PARD3B: variants seen among roughly 807,000 people sequenced by gnomAD.
PARD3B encodes par-3 family cell polarity regulator beta.
In PARD3B, 103 loss-of-function variants were observed where a neutral mutation model predicts 130.2. That is an observed-to-expected ratio of 0.79 (90% CI 0.67 to 0.93). The LOEUF is 0.93. Ranked by LOEUF, PARD3B falls within the 40% of genes least tolerant of loss-of-function variation. The pLI, the probability that PARD3B is intolerant of heterozygous loss-of-function variation, is 0.00. For synonymous variants in PARD3B, 583 were observed against 553.2 expected (o/e 1.05, Z -0.76); for missense variants, 1,609 against 1,499.2 (o/e 1.07, Z -1.21).
chr2:205,486,518 C>T (rs536183586), intron 20 of PARD3B, among the ~76,000 whole-genome samples: 7 of 152,256 alleles, frequency 4.6e-5, no homozygotes, highest in East Asian at 3.9e-4. Flanking sequence ...AGTTGGCTCA[C>T]GGTTCCACGG....
At chr2:204,672,906 T>G (rs2036372732) in intron 1 of PARD3B, among the ~76,000 whole-genome samples, 1 of 152,240 alleles carries the variant, frequency 6.6e-6, no homozygotes, top group African/African-American at 2.4e-5. Flanking sequence ...ATGCTGGGAT[T>G]ACAGTGGCAT....
At position 205,352,683 on chromosome 2, in the gene PARD3B, G is replaced by A. The variant is rs531424773; in HGVS notation, c.2631-48330G>A. ...TGGAGATAAACAGGTAGTATCAGGC[G>A]TCCATAGCCTTGCGTTTTACTCACC... On this transcript the variant is annotated intron_variant, in intron 18 of 22. Transcript: ENST00000406610. This position sits in a 1 kb window ranked among gnomAD's most constrained non-coding sequence, Gnocchi z 5.2. Among the ~76,000 whole-genome samples the A allele has an allele frequency of 2.7e-4, 41 of 152,172 alleles. No homozygotes were observed. Among genetic ancestry groups the A allele is most frequent in the African/African-American group, 9.2e-4 (38 of 41,526 alleles).
rs887374500 is a variant in PARD3B at position 205,291,053 on chromosome 2, A to C, written c.2186-9477A>C. Reference sequence around the variant, plus strand: ...AGCTGCCCAAATGGACTAAGACAAAAATTGGTACCAAGAAGTAAAATGACA... The same window carrying C: ...AGCTGCCCAAATGGACTAAGACAAACATTGGTACCAAGAAGTAAAATGACA... On this transcript the variant is annotated intron_variant, in intron 16 of 22. Coordinates refer to ENST00000406610, the MANE Select transcript of PARD3B (RefSeq NM_001302769.2). This position sits in a 1 kb window ranked among gnomAD's most constrained non-coding sequence, Gnocchi z 4.6. Among the ~76,000 whole-genome samples, 2 of 152,174 alleles carry C rather than the reference A, an allele frequency of 1.3e-5. No individual in the cohort carries two copies. The highest frequency in any genetic ancestry group is 4.8e-5 in the African/African-American group (2 of 41,424).
intron 2 of PARD3B, among the ~76,000 whole-genome samples, chr2:204,726,770 C>T (rs1451763055): frequency 2.6e-5 from 4 of 152,130 alleles, no homozygotes; most frequent in African/African-American, 9.7e-5. Context: ...GGAAACTTTT[C>T]TTTTTAACTT....
chr2:205,235,095 TC>T (rs2039004828), intron 15 of PARD3B, among the ~76,000 whole-genome samples: 2 of 152,038 alleles, frequency 1.3e-5, no homozygotes, highest in African/African-American at 2.4e-5. Flanking sequence ...AAGAAAGATT[TC>T]AAATAAATGA....
intron 1 of PARD3B, among the ~76,000 whole-genome samples, chr2:204,596,964 A>G (rs778667156): frequency 6.6e-6 from 1 of 151,000 alleles, no homozygotes; most frequent in African/African-American, 2.4e-5. Context: ...CTCTCTCTCT[A>G]TATATATATT....
intron 18 of PARD3B, among the ~76,000 whole-genome samples, chr2:205,312,806 G>T (rs563127814): frequency 2.0e-4 from 30 of 152,250 alleles, no homozygotes; most frequent in Admixed American, 1.2e-3. Flanking sequence ...AAAGAGCAAT[G>T]ACCCTTTTTT....
intron 11 of PARD3B, among the ~76,000 whole-genome samples, chr2:205,162,749 C>G (rs1218772522): frequency 6.6e-6 from 1 of 152,160 alleles, no homozygotes; most frequent in African/African-American, 2.4e-5. Flanking sequence ...AGAAAAAATA[C>G]CTTTCCCTAA....
intron 4 of PARD3B, 147 bp downstream of exon 4, chr2:205,047,837 A>G: frequency 1.8e-6 from 1 of 561,408 alleles, no homozygotes; most frequent in Non-Finnish European, 3.1e-6. Context: ...AATAGCTAGT[A>G]TGGGCTATTA....
At chr2:204,808,066 T>A (rs1383634821) in intron 2 of PARD3B, among the ~76,000 whole-genome samples, 1 of 152,012 alleles carries the variant, frequency 6.6e-6, no homozygotes, top group Non-Finnish European at 1.5e-5. Context: ...TCAAAGTAGC[T>A]CATGTACCCT....
intron 20 of PARD3B, among the ~76,000 whole-genome samples, chr2:205,476,987 A>G (rs1215993965): frequency 6.6e-6 from 1 of 152,192 alleles, no homozygotes; most frequent in Non-Finnish European, 1.5e-5. Flanking sequence ...TTTTACATCT[A>G]TTTATATTTG....
rs1367164551 is a variant in PARD3B, at chr2:205,460,769, G to A, written c.3044+20097G>A. ...TGGCAAACCTGAAGCACAGTGACTG[G>A]TTCTTCCTATTGTGTGATCAGCAAG... is the stretch of plus-strand genomic sequence containing the variant. On this transcript the variant is annotated intron_variant, in intron 20 of 22. Coordinates refer to ENST00000406610, the MANE Select transcript of PARD3B (RefSeq NM_001302769.2). This position sits in a 1 kb window ranked among gnomAD's most constrained non-coding sequence, Gnocchi z 4.9. Among the ~76,000 whole-genome samples, 1 of 152,092 alleles carries A rather than the reference G, an allele frequency of 6.6e-6. No individual in the cohort carries two copies.
intron 1 of PARD3B, among the ~76,000 whole-genome samples, chr2:204,611,787 C>T (rs1002425052): frequency 6.6e-6 from 1 of 152,124 alleles, no homozygotes; most frequent in South Asian, 2.1e-4. Context: ...TTGCGTACAT[C>T]CCATATCTAA....
At chr2:205,109,961 A>G (rs1185648713) in intron 5 of PARD3B, among the ~76,000 whole-genome samples, 2 of 152,012 alleles carry the variant, frequency 1.3e-5, no homozygotes, top group African/African-American at 4.8e-5. Context: ...GCCAGGAATT[A>G]CCTAATCTTA....
At chr2:204,925,205 T>A (rs1687505455) in intron 2 of PARD3B, among the ~76,000 whole-genome samples, 1 of 152,082 alleles carries the variant, frequency 6.6e-6, no homozygotes, top group Non-Finnish European at 1.5e-5. Flanking sequence ...GAAATAAGCA[T>A]GGAAAAGTGT....
In PARD3B at chr2:205,158,646, T is replaced by G; in HGVS notation, c.1435-76T>G. 7.2e-7 allele frequency: 1 copy of G among 1,392,782 alleles called. No homozygotes were observed. The highest frequency in any genetic ancestry group is 9.9e-7 in the Non-Finnish European group (1 of 1,010,110). The allele number at this position is 1,392,782 out of a possible 1,614,324, so 86.3% of individuals were successfully genotyped here. Reference sequence around the variant, plus strand: ...CATCCTGTCCTACTGATTGCATCTGTGTCTGGTCATCTGAGAGAGTGAAAT... The same window carrying G: ...CATCCTGTCCTACTGATTGCATCTGGGTCTGGTCATCTGAGAGAGTGAAAT... On this transcript the variant is annotated intron_variant, in intron 10 of 22. Transcript: ENST00000406610. This position sits in a 1 kb window ranked among gnomAD's most constrained non-coding sequence, Gnocchi z 5.4.
chr2:205,489,398 G>A (rs573211556), intron 20 of PARD3B, among the ~76,000 whole-genome samples: 2 of 151,598 alleles, frequency 1.3e-5, no homozygotes, highest in South Asian at 2.1e-4. Flanking sequence ...GATAGCTTGA[G>A]CTCAGGAGTT....
chr2:205,434,740 G>A (rs763947013), intron 19 of PARD3B, among the ~76,000 whole-genome samples: 44 of 152,094 alleles, frequency 2.9e-4, no homozygotes, highest in Non-Finnish European at 5.4e-4. Context: ...ATAATTTGAA[G>A]AAAATTGTCA....
chr2:205,526,614 A>T (rs2051349620), intron 21 of PARD3B, among the ~76,000 whole-genome samples: 1 of 152,218 alleles, frequency 6.6e-6, no homozygotes, highest in Non-Finnish European at 1.5e-5. Context: ...CTTGGAAACA[A>T]CAAGGCAGAT....
Sources: allele counts gnomAD v4.1 joint callset (sites outside exome capture counted in the v4.1 genomes callset), GRCh38; gene constraint gnomAD v4.1.1; non-coding constraint Gnocchi (gnomAD v3.1); transcripts MANE v1.5; gene names NCBI Gene and HGNC (gene_info 2026-07-23, HGNC 2026-07-21).